PSMD1: variants seen among roughly 807,000 people sequenced by gnomAD.
PSMD1 encodes 26S proteasome non-ATPase regulatory subunit 1.
PSMD1 carries 18 observed loss-of-function variants against 119.0 expected under a neutral mutation model. The ratio of observed to expected loss-of-function variants is 0.15; its 90% confidence interval spans 0.10 to 0.22. The LOEUF (loss-of-function observed/expected upper bound fraction) is 0.22, where lower values mean the gene tolerates loss of function less well. Ranked by LOEUF, PSMD1 falls within the 10% of genes least tolerant of loss-of-function variation. The pLI, the probability that PSMD1 is intolerant of heterozygous loss-of-function variation, is 1.00. For synonymous variants in PSMD1, 374 were observed against 396.6 expected, an observed-to-expected ratio of 0.94 and a Z score of 0.68; for missense variants, 702 against 1,158.5, an observed-to-expected ratio of 0.61 and a Z score of 5.72.
In PSMD1 at chr2:231,170,455, C is replaced by T; in HGVS notation, c.2716-111C>T. 3.3e-6 allele frequency: 4 copies of T among 1,207,764 alleles called. No individual in the cohort carries two copies. The highest frequency in any genetic ancestry group is 3.8e-5 in the South Asian group (2 of 51,964). 74.8% of individuals were successfully genotyped at this position (1,207,764 alleles called of 1,614,324 possible). ...AGTAAAGTTCTACTCCAGTTTTTCA[C>T]TTCCAAATCATTTAAGTAGTTTTAA... is the stretch of plus-strand genomic sequence containing the variant. On this transcript the variant is annotated intron_variant, in intron 23 of 24. Transcript: ENST00000308696. The surrounding 1 kb of genome is among the most constrained non-coding windows in gnomAD (Gnocchi z 4.1).
chr2:231,108,358 C>G, intron 16 of PSMD1: 2 of 611,928 alleles, frequency 3.3e-6, no homozygotes, highest in African/African-American at 3.7e-5. Context: ...ATAATCTTGT[C>G]CAAATTAGGA....
chr2:231,138,590 T>C lies in PSMD1; in HGVS notation c.1884-146T>C, dbSNP rs1559246627. 27 of 608,576 alleles carry C rather than the reference T, an allele frequency of 4.4e-5. 1 individual carries two copies. The South Asian group carries it at 5.0e-4, about 11-fold the overall frequency. 37.7% of individuals were successfully genotyped at this position (608,576 alleles called of 1,614,324 possible). A position where few individuals can be genotyped will look rare whatever the true frequency, so the allele number is the denominator to read the frequency against. On this transcript the variant is annotated intron_variant, in intron 16 of 24. Coordinates refer to ENST00000308696, the MANE Select transcript of PSMD1 (RefSeq NM_002807.4). The stretch of plus-strand genomic sequence containing the variant: ...TTTCTTCTATCAATAATTAGAACTC[T>C]ATGAAAGATTTTTAATTCTGCAATT...
At chr2:231,150,356 A>G (rs1696346725) in intron 18 of PSMD1, among the ~76,000 whole-genome samples, 1 of 151,758 alleles carries the variant, frequency 6.6e-6, no homozygotes, top group South Asian at 2.1e-4. Context: ...AGGAGGGGAA[A>G]AAAAAAAAAG....
intron 16 of PSMD1, among the ~76,000 whole-genome samples, chr2:231,097,116 C>T (rs1314003340): frequency 6.6e-6 from 1 of 152,058 alleles, no homozygotes; most frequent in African/African-American, 2.4e-5. Flanking sequence ...AGTTGTTTTG[C>T]TTGATTTTCC....
In PSMD1 at chr2:231,160,814, C is replaced by T. The variant is rs201832211; in HGVS notation, c.2219-526C>T. On this transcript the variant is annotated intron_variant, in intron 19 of 24. Transcript: ENST00000308696. ...AAAGTACACTTCCAATTTTGGAGAG[C>T]CTGGATAACTCACTAATTCCAAGGA... Among the ~76,000 whole-genome samples the T allele has an allele frequency of 5.3e-5, 8 of 152,116 alleles. No individual in the cohort carries two copies. The East Asian group carries it at 1.5e-3, about 29-fold the overall frequency.
chr2:231,124,230 G>A (rs747163129), intron 16 of PSMD1: 1 of 165,454 alleles, frequency 6.0e-6, no homozygotes, highest in Admixed American at 5.7e-5. Context: ...AGTCTGTTGT[G>A]CATTTGTGAC....
chr2:231,164,706 A>C (rs1696716187), intron 21 of PSMD1, among the ~76,000 whole-genome samples: 1 of 151,962 alleles, frequency 6.6e-6, no homozygotes, highest in South Asian at 2.1e-4. Flanking sequence ...CATGAAGGAG[A>C]ATAATATAGG....
chr2:231,085,698 A>G lies in PSMD1; in HGVS notation c.1818+584A>G, dbSNP rs925541076. ...GAACATGATCTATTACAAGAGATGC[A>G]CTGCACAGGAAAGCCAATGCACATG... On this transcript the variant is annotated intron_variant, in intron 15 of 24. Coordinates refer to ENST00000308696, the MANE Select transcript of PSMD1 (RefSeq NM_002807.4). Among the ~76,000 whole-genome samples the G allele has an allele frequency of 2.7e-5, 4 of 147,272 alleles. No individual in the cohort carries two copies. In the East Asian group the frequency reaches 7.9e-4, roughly 29 times the overall value.
intron 16 of PSMD1, among the ~76,000 whole-genome samples, chr2:231,130,516 G>A (rs970797726): frequency 1.3e-5 from 2 of 152,140 alleles, no homozygotes; most frequent in Non-Finnish European, 2.9e-5. Context: ...TGTTGCCCAG[G>A]CTGTAGTGCA....
In PSMD1 at chr2:231,170,819, G is replaced by T; in HGVS notation, c.*9+98G>T. 1 of 1,290,244 alleles carries T rather than the reference G, an allele frequency of 7.8e-7. No homozygotes were observed. Among genetic ancestry groups the T allele is most frequent in the Non-Finnish European group, 1.0e-6 (1 of 957,478 alleles). The allele number at this position is 1,290,244 out of a possible 1,614,324, so 79.9% of individuals were successfully genotyped here. A position where few individuals can be genotyped will look rare whatever the true frequency, so the allele number is the denominator to read the frequency against. ...ATCTCACGTTTTTCCTTCCTTTTGT[G>T]TTTAATCCTTATTTACCTAAACAGT... On this transcript the variant is annotated intron_variant, in intron 24 of 24. Transcript: ENST00000308696. This position sits in a 1 kb window ranked among gnomAD's most constrained non-coding sequence, Gnocchi z 4.1.
At chr2:231,167,428 C>T (rs1020699045) in intron 23 of PSMD1, among the ~76,000 whole-genome samples, 12 of 152,204 alleles carry the variant, frequency 7.9e-5, no homozygotes, top group Non-Finnish European at 5.9e-5. Flanking sequence ...CTGTACACCA[C>T]AGTAGAAAAC....
At chr2:231,100,039 C>T (rs1185955199) in intron 16 of PSMD1, among the ~76,000 whole-genome samples, 1 of 152,074 alleles carries the variant, frequency 6.6e-6, no homozygotes. Flanking sequence ...GGTTATTCCT[C>T]GCACTGGGTG....
intron 16 of PSMD1, among the ~76,000 whole-genome samples, chr2:231,132,372 A>T (rs1019954160): frequency 6.6e-5 from 10 of 152,206 alleles, no homozygotes; most frequent in Admixed American, 1.3e-4. Context: ...GGGTAACTTG[A>T]TAAGTATCCT....
At chr2:231,109,471 T>C in intron 16 of PSMD1, 2 of 1,370,260 alleles carry the variant, frequency 1.5e-6, no homozygotes, top group Non-Finnish European at 2.1e-6. Context: ...TTCGATTAGA[T>C]CCTTTTGGAT....
intron 16 of PSMD1, chr2:231,123,955 A>G: frequency 1.7e-6 from 1 of 600,136 alleles, no homozygotes; most frequent in Non-Finnish European, 3.0e-6. Context: ...CCATGTTTGT[A>G]GGTAAGATAT....
At chr2:231,115,208 A>G (rs1210470969) in intron 16 of PSMD1, among the ~76,000 whole-genome samples, 1 of 151,906 alleles carries the variant, frequency 6.6e-6, no homozygotes, top group African/African-American at 2.4e-5. Flanking sequence ...AAAAAAGCAT[A>G]ATTTAGGGGC....
At chr2:231,099,482 A>C (rs560373528) in intron 16 of PSMD1, among the ~76,000 whole-genome samples, 1 of 152,316 alleles carries the variant, frequency 6.6e-6, no homozygotes, top group East Asian at 1.9e-4. Context: ...TCCTAAGTTT[A>C]GTCCTTTCGT....
intron 16 of PSMD1, among the ~76,000 whole-genome samples, chr2:231,105,898 A>G (rs1694962804): frequency 6.6e-6 from 1 of 151,030 alleles, no homozygotes; most frequent in Non-Finnish European, 1.5e-5. Context: ...TTTTTGCCCC[A>G]GTATCTTTGT....
chr2:231,136,230 A>G (rs1312405125), intron 16 of PSMD1, among the ~76,000 whole-genome samples: 1 of 152,198 alleles, frequency 6.6e-6, no homozygotes. Flanking sequence ...GGTTCACTTT[A>G]GTATTTTTAA....
Sources: gnomAD v4.1 joint callset for allele counts (sites outside exome capture counted in the v4.1 genomes callset) on GRCh38, gnomAD v4.1.1 for gene constraint, Gnocchi (gnomAD v3.1) non-coding constraint, MANE v1.5 for transcripts, NCBI Gene and HGNC (gene_info 2026-07-23, HGNC 2026-07-21) for gene names.